Variants in SOX6 observed in about 807,000 individuals in gnomAD.
The protein encoded by SOX6 is SRY-box transcription factor 6.
Under a neutral mutation model 97.8 loss-of-function variants are expected in SOX6, and 11 were observed. The observed-to-expected ratio is 0.11, with a 90% CI of 0.07 to 0.19. SOX6 has a LOEUF of 0.19. Among genes scored for constraint, SOX6 ranks in the 10% least tolerant of loss-of-function variants. SOX6 has a pLI of 1.00. For missense variants in SOX6, 810 were observed against 1,039.5 expected, an observed-to-expected ratio of 0.78 and a Z score of 3.04; for synonymous variants, 360 against 371.4, an observed-to-expected ratio of 0.97 and a Z score of 0.35.
At chr11:16,485,691 A>G (rs1590220138) in intron 4 of SOX6, among the ~76,000 whole-genome samples, 1 of 149,596 alleles carries the variant, frequency 6.7e-6, no homozygotes, top group Non-Finnish European at 1.5e-5. Context: ...AGATCTTGCC[A>G]CTGCACTCCA....
At chr11:16,109,447 A>G (rs1590202128) in intron 7 of SOX6, among the ~76,000 whole-genome samples, 1 of 151,616 alleles carries the variant, frequency 6.6e-6, no homozygotes. Flanking sequence ...TGATCCTCCC[A>G]CCCCTCAGCC....
chr11:16,147,883 G>C (rs1850352493), intron 6 of SOX6, among the ~76,000 whole-genome samples: 1 of 152,228 alleles, frequency 6.6e-6, no homozygotes, highest in Middle Eastern at 3.4e-3. Flanking sequence ...ACTAATGACT[G>C]TACACCAGAA....
intron 6 of SOX6, among the ~76,000 whole-genome samples, chr11:16,125,858 G>GGAAA (rs1564968107): frequency 3.3e-5 from 5 of 150,852 alleles, no homozygotes; most frequent in Admixed American, 6.6e-5. Context: ...AAGGAAGGAA[G>GGAAA]GAAGGAAGGA....
chr11:16,492,646 T>C (rs143401259), intron 4 of SOX6, among the ~76,000 whole-genome samples: 125 of 152,286 alleles, frequency 8.2e-4, no homozygotes, highest in African/African-American at 3.0e-3. Flanking sequence ...CCCTCACTTC[T>C]ACTTCCTCAG....
intron 2 of SOX6, among the ~76,000 whole-genome samples, chr11:16,724,413 A>C (rs1848290877): frequency 6.6e-6 from 1 of 152,152 alleles, no homozygotes; most frequent in African/African-American, 2.4e-5. Flanking sequence ...GCACAAAATA[A>C]GCATTACCAA....
Position 16,667,263 on chromosome 11 carries a change from T to C in SOX6, n.429+47567A>G, listed in dbSNP as rs180886644. Among the ~76,000 whole-genome samples, 4 of 151,832 alleles carry C rather than the reference T, an allele frequency of 2.6e-5. No individual in the cohort carries two copies. The East Asian group carries it at 5.8e-4, about 22-fold the overall frequency. ...AATAAGAAAACAAAACAAAACAGGATAATAACAGGGAAATTCTCAAACCTA... is the reference window on the plus strand; with the variant it reads ...AATAAGAAAACAAAACAAAACAGGACAATAACAGGGAAATTCTCAAACCTA... On this transcript the variant is annotated intron_variant and non_coding_transcript_variant, in intron 3 of 5. Coordinates refer to the SOX6 transcript ENST00000524520.
intron 3 of SOX6, among the ~76,000 whole-genome samples, chr11:16,262,447 G>A (rs1013668226): frequency 6.6e-6 from 1 of 152,004 alleles, no homozygotes; most frequent in Non-Finnish European, 1.5e-5. Context: ...CTGAACAAAC[G>A]AAAATAGTGA....
At chr11:16,513,144 T>G (rs868641255) in intron 4 of SOX6, among the ~76,000 whole-genome samples, 1 of 152,212 alleles carries the variant, frequency 6.6e-6, no homozygotes, top group Non-Finnish European at 1.5e-5. Context: ...AAGAAGCATA[T>G]GTGCAACTTC....
At chr11:16,734,733 T>C (rs1366143561) in intron 2 of SOX6, among the ~76,000 whole-genome samples, 3 of 152,332 alleles carry the variant, frequency 2.0e-5, no homozygotes, top group African/African-American at 7.2e-5. Flanking sequence ...ACCTCACCGA[T>C]TCATATATTA....
chr11:16,242,730 A>C (rs537507721), intron 3 of SOX6, among the ~76,000 whole-genome samples: 8 of 151,916 alleles, frequency 5.3e-5, no homozygotes, highest in Admixed American at 2.6e-4. Flanking sequence ...TGATTAATTG[A>C]CTTTATAGTT....
chr11:15,972,364 C>T lies in SOX6; in HGVS notation c.*445G>A, dbSNP rs973300812. On this transcript the variant is annotated 3_prime_UTR_variant, in exon 16 of 16. Coordinates refer to ENST00000683767, the MANE Select transcript of SOX6 (RefSeq NM_001367873.1). Reference sequence around the variant, plus strand: ...GTTCTGTTTCACAATATGAAATCCTCAGTTGTTTTCTAAAATAATTCAGAA... The same window carrying T: ...GTTCTGTTTCACAATATGAAATCCTTAGTTGTTTTCTAAAATAATTCAGAA... 5.9e-6 allele frequency: 1 copy of T among 170,580 alleles called. No individual in the cohort carries two copies. The highest frequency in any genetic ancestry group is 1.3e-5 in the Non-Finnish European group (1 of 78,624). The allele number at this position is 170,580 out of a possible 1,614,324, so 10.6% of individuals were successfully genotyped here.
intron 3 of SOX6, among the ~76,000 whole-genome samples, chr11:16,702,278 CTG>C (rs1848100745): frequency 6.6e-6 from 1 of 152,308 alleles, no homozygotes; most frequent in East Asian, 1.9e-4. Context: ...TGGGAAAACA[CTG>C]TCAAAAATGA....
At chr11:16,116,497 T>G (rs1849350825) in intron 6 of SOX6, among the ~76,000 whole-genome samples, 1 of 152,178 alleles carries the variant, frequency 6.6e-6, no homozygotes, top group African/African-American at 2.4e-5. Flanking sequence ...AGATAAGGAA[T>G]ATGATTATTG....
At chr11:16,234,353 T>C (rs1162506000) in intron 4 of SOX6, among the ~76,000 whole-genome samples, 1 of 152,174 alleles carries the variant, frequency 6.6e-6, no homozygotes, top group African/African-American at 2.4e-5. Flanking sequence ...AGGCAGCATA[T>C]CCTATAAGTT....
chr11:16,478,072 T>C (rs1186495354), upstream of SOX6, among the ~76,000 whole-genome samples: 1 of 152,206 alleles, frequency 6.6e-6, no homozygotes, highest in East Asian at 1.9e-4. Context: ...CAAACCATCC[T>C]CACGTGCTAT....
chr11:16,608,103 G>C (rs749595651), intron 4 of SOX6, among the ~76,000 whole-genome samples: 1 of 152,000 alleles, frequency 6.6e-6, no homozygotes, highest in Non-Finnish European at 1.5e-5. Flanking sequence ...AGGTGGGGGA[G>C]AGGCAGGCTG....
At chr11:16,569,156 C>T (rs529347330) in intron 4 of SOX6, among the ~76,000 whole-genome samples, 1 of 152,284 alleles carries the variant, frequency 6.6e-6, no homozygotes, top group East Asian at 1.9e-4. Flanking sequence ...GCCAACCCCA[C>T]TGCAATTTTT....
chr11:16,575,009 C>T (rs1847969472), intron 4 of SOX6, among the ~76,000 whole-genome samples: 1 of 151,238 alleles, frequency 6.6e-6, no homozygotes, highest in South Asian at 2.1e-4. Context: ...CACTGCACTC[C>T]ATCCTGGGTG....
At chr11:16,535,425 C>G (rs538805632) in intron 4 of SOX6, among the ~76,000 whole-genome samples, 27 of 152,144 alleles carry the variant, frequency 1.8e-4, no homozygotes, top group African/African-American at 6.5e-4. Flanking sequence ...GTAGTCCCAG[C>G]ACTTTGGGAG....
Sources: allele counts gnomAD v4.1 joint callset (sites outside exome capture counted in the v4.1 genomes callset), GRCh38; gene constraint gnomAD v4.1.1; transcripts MANE v1.5; gene names NCBI Gene and HGNC (gene_info 2026-07-23, HGNC 2026-07-21).